CELA2B: variants seen among roughly 807,000 people sequenced by gnomAD.
CELA2B encodes chymotrypsin like elastase 2B.
In CELA2B, 27 loss-of-function variants were observed where a neutral mutation model predicts 36.5. The observed-to-expected ratio is 0.74, with a 90% CI of 0.55 to 1.02. The LOEUF is 1.02. Ranked by LOEUF, CELA2B falls within the 50% of genes least tolerant of loss-of-function variation. The probability of loss-of-function intolerance (pLI) is 0.00; values close to 1 mark genes in which losing one functional copy is unlikely to be tolerated. For synonymous variants in CELA2B, 143 were observed against 148.5 expected, an observed-to-expected ratio of 0.96 and a Z score of 0.27; for missense variants, 340 against 347.8, an observed-to-expected ratio of 0.98 and a Z score of 0.18.
intron 5 of CELA2B, among the ~76,000 whole-genome samples, chr1:15,483,827 C>T (rs558357658): frequency 6.6e-6 from 1 of 151,858 alleles, no homozygotes; most frequent in Admixed American, 6.6e-5. Flanking sequence ...TACTTGGGAG[C>T]CTGAGGCACA....
At chr1:15,483,507 C>T (rs1708768663) in intron 5 of CELA2B, 107 bp downstream of exon 5, 2 of 1,550,704 alleles carry the variant, frequency 1.3e-6, no homozygotes, top group South Asian at 1.2e-5. Context: ...ATGTGGCTGC[C>T]TTGGAGAGAC....
At chr1:15,482,799 T>G (rs1708758544) in intron 4 of CELA2B, among the ~76,000 whole-genome samples, 1 of 152,138 alleles carries the variant, frequency 6.6e-6, no homozygotes, top group South Asian at 2.1e-4. Flanking sequence ...TTTTTCTTTT[T>G]TTGTGAGATG....
chr1:15,481,181 T>C lies in CELA2B; in HGVS notation c.213T>C (p.Ala71=), dbSNP rs764494200. 1.7e-5 allele frequency: 27 copies of C among 1,614,082 alleles called. No homozygotes were observed. The highest frequency in any genetic ancestry group is 2.2e-5 in the Non-Finnish European group (26 of 1,180,042). ...SLIANSWVLT[A]AHCISSSGIY... is the part of the protein sequence containing the mutation. Reference sequence around the variant, plus strand: ...TAGCCAACAGCTGGGTCCTGACGGCTGCCCACTGCATCAGGTAACTGCCAT... The same window carrying C: ...TAGCCAACAGCTGGGTCCTGACGGCCGCCCACTGCATCAGGTAACTGCCAT... The change falls in exon 3 of 8, where the codon GCT becomes GCC. Residue 71 remains alanine (A), a synonymous_variant. Coordinates refer to ENST00000375910, the MANE Select transcript of CELA2B (RefSeq NM_015849.3).
intron 5 of CELA2B, among the ~76,000 whole-genome samples, 197 bp from the exon 6 acceptor site, chr1:15,485,704 G>C (rs548758280): frequency 3.4e-4 from 52 of 152,218 alleles, no homozygotes; most frequent in Non-Finnish European, 7.1e-4. Flanking sequence ...GCTTGAGTTA[G>C]GTGTTCACTG....
intron 7 of CELA2B, among the ~76,000 whole-genome samples, chr1:15,490,400 A>T (rs770936388): frequency 2.6e-5 from 4 of 152,222 alleles, no homozygotes; most frequent in Non-Finnish European, 5.9e-5. Flanking sequence ...TTGAACAGCT[A>T]AATAGTATTC....
intron 6 of CELA2B, 124 bp downstream of exon 6, chr1:15,486,170 G>A: frequency 7.9e-7 from 1 of 1,258,452 alleles, no homozygotes; most frequent in East Asian, 2.4e-5. Context: ...ACCCGGAAAT[G>A]GTACCAGATA....
chr1:15,483,905 G>C (rs1708773663), intron 5 of CELA2B, among the ~76,000 whole-genome samples: 1 of 151,266 alleles, frequency 6.6e-6, no homozygotes, highest in Non-Finnish European at 1.5e-5. Context: ...CTCCAGCCAG[G>C]GGGATAGAGC....
chr1:15,480,670 A>G (rs577446418), intron 2 of CELA2B, among the ~76,000 whole-genome samples: 2 of 152,142 alleles, frequency 1.3e-5, no homozygotes, highest in Non-Finnish European at 2.9e-5. Flanking sequence ...GCATGGGGTA[A>G]CCACCCTCAT....
At chr1:15,480,152 C>T (rs949627775) in intron 2 of CELA2B, among the ~76,000 whole-genome samples, 5 of 152,022 alleles carry the variant, frequency 3.3e-5, no homozygotes, top group South Asian at 4.1e-4. Context: ...AGGGTGATTG[C>T]GACACACAGT....
At position 15,487,113 on chromosome 1, in the gene CELA2B, A is replaced by G. The variant is rs532547530; in HGVS notation, c.640-172A>G. Among the ~76,000 whole-genome samples, 4 of 152,374 alleles carry G rather than the reference A, an allele frequency of 2.6e-5. No homozygotes were observed. The East Asian group carries it at 5.8e-4, about 22-fold the overall frequency. On this transcript the variant is annotated intron_variant, in intron 6 of 7. Coordinates refer to ENST00000375910, the MANE Select transcript of CELA2B (RefSeq NM_015849.3). ...ATGCTTAGCTCAGCTCTAAGGAAGA[A>G]TAAGTGTTGGCTCTTGTTGGAATTA...
rs371861768 is a variant in CELA2B, at chr1:15,477,318, C to T, written c.129+773C>T. Among the ~76,000 whole-genome samples the T allele has an allele frequency of 2.2e-4, 33 of 152,070 alleles. 1 individual carries two copies. The highest frequency in any genetic ancestry group is 4.4e-5 in the Non-Finnish European group (3 of 68,012). On this transcript the variant is annotated intron_variant, in intron 2 of 7. Transcript: ENST00000375910. ...AATAGTGATATTAAGACTAAACTGC[C>T]GAGTGGGGCACAGGCACAAATTACT...
chr1:15,487,585 C>G lies in CELA2B; in HGVS notation c.792+148C>G, dbSNP rs566677820. On this transcript the variant is annotated intron_variant, in intron 7 of 7. Coordinates refer to ENST00000375910, the MANE Select transcript of CELA2B (RefSeq NM_015849.3). ...TGGAGGAGGCTGCAGACCTTGGCAA[C>G]TGCTGAGTCCCCCATGGGTCCCCAA... 8.1e-5 allele frequency: 87 copies of G among 1,069,496 alleles called. 1 individual carries two copies. The highest frequency in any genetic ancestry group is 8.0e-6 in the Non-Finnish European group (6 of 747,728). The allele number at this position is 1,069,496 out of a possible 1,614,324, so 66.3% of individuals were successfully genotyped here.
chr1:15,488,366 G>A (rs1319236021), intron 7 of CELA2B, among the ~76,000 whole-genome samples: 3 of 152,114 alleles, frequency 2.0e-5, no homozygotes, highest in Non-Finnish European at 1.5e-5. Flanking sequence ...CAGCCTGAGC[G>A]ACATAGCAAG....
At chr1:15,478,565 AT>A (rs71002905) in intron 2 of CELA2B, among the ~76,000 whole-genome samples, 28,506 of 125,006 alleles carry the variant, frequency 0.23, 2,794 homozygotes, top group African/African-American at 0.31. Context: ...ATTTTAATGC[AT>A]TTTTTTTTTT....
chr1:15,491,042 C>T (rs765101755), intron 7 of CELA2B: 1 of 523,036 alleles, frequency 1.9e-6, no homozygotes, highest in Non-Finnish European at 3.5e-6. Context: ...CGAAGGCCCC[C>T]TGACCTGAAG....
rs935602002 is a variant in CELA2B at position 15,479,805 on chromosome 1, A to G, written c.130-1293A>G. ...GGAAGTGAAGGAAAGAGCTACGCCG[A>G]TATTTGCAAGAATATTCCAGGGAGG... On this transcript the variant is annotated intron_variant, in intron 2 of 7. Coordinates refer to ENST00000375910, the MANE Select transcript of CELA2B (RefSeq NM_015849.3). Among the ~76,000 whole-genome samples, 10 of 152,172 alleles carry G rather than the reference A, an allele frequency of 6.6e-5. 1 individual carries two copies. Among genetic ancestry groups the G allele is most frequent in the Admixed American group, 6.5e-4 (10 of 15,284 alleles).
Position 15,476,502 on chromosome 1 carries a change from T to C in CELA2B, c.86T>C (p.Met29Thr). Residue 29 changes from methionine (M) to threonine (T), a missense_variant, in exon 2 of 8, where the codon ATG (methionine) becomes ACG (threonine). Met to Thr is a moderately conservative substitution (Grantham distance 81). Transcript: ENST00000375910. Reference protein sequence around the residue: ...VSTYAPDMSRMLGGEEARPNS... With the variant: ...VSTYAPDMSRTLGGEEARPNS... ...ACTTACGCGCCTGATATGTCTAGGA[T>C]GCTTGGAGGTGAAGAAGCGAGGCCC... The C allele has an allele frequency of 6.2e-7, 1 of 1,614,136 alleles. No homozygotes were observed. The highest frequency in any genetic ancestry group is 8.5e-7 in the Non-Finnish European group (1 of 1,180,032).
Position 15,482,314 on chromosome 1 carries a change from G to A in CELA2B, c.277G>A (p.Ala93Thr), listed in dbSNP as rs761431469. 1.9e-6 allele frequency: 3 copies of A among 1,614,124 alleles called. No homozygotes were observed. The Admixed American group carries it at 5.0e-5, about 27-fold the overall frequency. ...GCTGGGCCAGCATAACCTCTACGTT[G>A]CAGAGTCCGGCTCGCTGGCCGTCAG... Reference protein sequence around the residue: ...VMLGQHNLYVAESGSLAVSVS... With the variant: ...VMLGQHNLYVTESGSLAVSVS... The change falls in exon 4 of 8, where the codon GCA becomes ACA. Residue 93 changes from alanine (A) to threonine (T), a missense_variant. Physicochemically the swap from Ala to Thr is moderately conservative, Grantham distance 58. Coordinates refer to ENST00000375910, the MANE Select transcript of CELA2B (RefSeq NM_015849.3).
chr1:15,488,228 A>G (rs997465696), intron 7 of CELA2B, among the ~76,000 whole-genome samples: 1 of 149,194 alleles, frequency 6.7e-6, no homozygotes, highest in African/African-American at 2.5e-5. Flanking sequence ...CTTTACAAAG[A>G]TTTTTTTTTT....
Sources: gnomAD v4.1 joint callset for allele counts (sites outside exome capture counted in the v4.1 genomes callset) on GRCh38, gnomAD v4.1.1 for gene constraint, MANE v1.5 for transcripts, NCBI Gene and HGNC (gene_info 2026-07-23, HGNC 2026-07-21) for gene names.